Variants in SYT7 observed in about 807,000 individuals in gnomAD.
SYT7 encodes synaptotagmin 7, also known as synaptotagmin-7.
A neutral mutation model predicts 75.1 loss-of-function variants in SYT7; 29 were observed. That is an observed-to-expected ratio of 0.39 (90% CI 0.29 to 0.53). The LOEUF (loss-of-function observed/expected upper bound fraction) is 0.53, where lower values mean the gene tolerates loss of function less well. Ranked by LOEUF, SYT7 falls within the 20% of genes least tolerant of loss-of-function variation. SYT7 has a pLI of 0.77. For missense variants in SYT7, 693 were observed against 953.2 expected (o/e 0.73, Z 3.59); for synonymous variants, 376 against 401.7 (o/e 0.94, Z 0.76).
At chr11:61,531,891 C>CAAA (rs58242073) in intron 8 of SYT7, among the ~76,000 whole-genome samples, 776 of 49,260 alleles carry the variant, frequency 0.016, 19 homozygotes, top group Non-Finnish European at 0.03. Flanking sequence ...GATTCTGTCT[C>CAAA]AAAAAAAAAA....
intron 6 of SYT7, chr11:61,539,886 T>G (rs1451020353): frequency 6.6e-6 from 1 of 152,084 alleles, no homozygotes; most frequent in African/African-American, 2.4e-5. Context: ...GATCTAACTT[T>G]CGGGAAACAA....
At chr11:61,534,484 C>T (rs2062811613) in intron 7 of SYT7, among the ~76,000 whole-genome samples, 1 of 151,880 alleles carries the variant, frequency 6.6e-6, no homozygotes, top group South Asian at 2.1e-4. Flanking sequence ...CACACACATG[C>T]ACATGAGCCC....
Position 61,551,473 on chromosome 11 carries a change from T to C in SYT7, c.136-10A>G, listed in dbSNP as rs371500958. On this transcript the variant is annotated splice_polypyrimidine_tract_variant and intron_variant, in intron 2 of 12. Coordinates refer to ENST00000539008, the MANE Select transcript of SYT7 (RefSeq NM_001365809.2). This position sits in a 1 kb window ranked among gnomAD's most constrained non-coding sequence, Gnocchi z 5.3. Reference sequence around the variant, plus strand: ...TCTTGTAGCGTTTGCCCTGTGGAGATAGCACTAGGATCACTCCTGGGGAAC... The same window carrying C: ...TCTTGTAGCGTTTGCCCTGTGGAGACAGCACTAGGATCACTCCTGGGGAAC... 6.2e-6 allele frequency: 10 copies of C among 1,613,304 alleles called. No individual in the cohort carries two copies. The Admixed American group carries it at 6.7e-5, about 11-fold the overall frequency.
At chr11:61,547,376 C>A (rs566679330) in intron 3 of SYT7, 68 bp from the exon 4 acceptor site, 4 of 1,518,018 alleles carry the variant, frequency 2.6e-6, no homozygotes, top group African/African-American at 2.8e-5. Flanking sequence ...GCAAGTCCTG[C>A]GGGGGCAGAA....
Position 61,524,332 on chromosome 11 carries a change from G to A in SYT7, c.1641+31C>T, listed in dbSNP as rs760758230. ...ATCTCCCAGCCCTGCCCTGCTGCCTGTCCAGCTAAGACCCACCCATGGGGC... is the reference window on the plus strand; with the variant it reads ...ATCTCCCAGCCCTGCCCTGCTGCCTATCCAGCTAAGACCCACCCATGGGGC... On this transcript the variant is annotated intron_variant, in intron 10 of 12. Transcript: ENST00000539008. The surrounding 1 kb of genome is among the most constrained non-coding windows in gnomAD (Gnocchi z 4.1). 6.2e-7 allele frequency: 1 copy of A among 1,611,948 alleles called. No individual in the cohort carries two copies. Among genetic ancestry groups the A allele is most frequent in the Non-Finnish European group, 8.5e-7 (1 of 1,178,950 alleles).
At position 61,580,808 on chromosome 11, in the gene SYT7, G is replaced by C; in HGVS notation, c.13C>G (p.Pro5Ala). 7.8e-7 allele frequency: 1 copy of C among 1,286,926 alleles called. No homozygotes were observed. Among genetic ancestry groups the C allele is most frequent in the Non-Finnish European group, 9.9e-7 (1 of 1,014,566 alleles). The allele number at this position is 1,286,926 out of a possible 1,614,324, so 79.7% of individuals were successfully genotyped here. A position where few individuals can be genotyped will look rare whatever the true frequency, so the allele number is the denominator to read the frequency against. The stretch of plus-strand genomic sequence containing the variant: ...CGCTTACCTGGGCTGGCCGCCTCCG[G>C]GTCCCGGTACATGGTCCCCTCGTCG... MYRD[P>A]EAASPGAPSR... Residue 5 changes from proline to alanine, a missense_variant, in exon 1 of 13, where the codon CCG (proline) becomes GCG (alanine). Physicochemically the swap from Pro to Ala is conservative, Grantham distance 27. This residue lies in a region of SYT7 where 487 missense variants were observed against 593.2 expected (regional missense o/e 0.82). Coordinates refer to ENST00000539008, the MANE Select transcript of SYT7 (RefSeq NM_001365809.2). The surrounding 1 kb of genome is among the most constrained non-coding windows in gnomAD (Gnocchi z 6.1).
Position 61,551,372 on chromosome 11 carries a change from C to T in SYT7, c.215+12G>A. 1.2e-6 allele frequency: 2 copies of T among 1,613,548 alleles called. No homozygotes were observed. The highest frequency in any genetic ancestry group is 1.7e-6 in the Non-Finnish European group (2 of 1,179,862). On this transcript the variant is annotated intron_variant, in intron 3 of 12. Coordinates refer to ENST00000539008, the MANE Select transcript of SYT7 (RefSeq NM_001365809.2). This position sits in a 1 kb window ranked among gnomAD's most constrained non-coding sequence, Gnocchi z 5.3. Reference sequence around the variant, plus strand: ...GTGTGGCCCCATCCCAAACTAGCAGCCTGGCACCTACTTGATAGCCTTCTT... The same window carrying T: ...GTGTGGCCCCATCCCAAACTAGCAGTCTGGCACCTACTTGATAGCCTTCTT...
chr11:61,547,757 C>T (rs1357115321), intron 3 of SYT7, among the ~76,000 whole-genome samples: 1 of 152,128 alleles, frequency 6.6e-6, no homozygotes, highest in Non-Finnish European at 1.5e-5. Flanking sequence ...GCAGATCAGG[C>T]CCAGGTGCCA....
intron 4 of SYT7, 27 bp downstream of exon 4, chr11:61,547,150 A>T: frequency 6.5e-7 from 1 of 1,534,246 alleles, no homozygotes. Flanking sequence ...CTCGGTACAT[A>T]TGATCAAACC....
intron 7 of SYT7, among the ~76,000 whole-genome samples, chr11:61,535,213 A>G (rs1464360069): frequency 6.6e-6 from 1 of 152,210 alleles, no homozygotes; most frequent in Non-Finnish European, 1.5e-5. Context: ...AGAGAGGCCA[A>G]GAAAGTTAGT....
chr11:61,556,025 T>G, intron 2 of SYT7, 79 bp downstream of exon 2: 3 of 1,302,408 alleles, frequency 2.3e-6, no homozygotes, highest in Non-Finnish European at 3.3e-6. Context: ...CCCAAGCCTG[T>G]AATTGTGTGT....
At chr11:61,522,307 A>T (rs2135046999) in intron 12 of SYT7, among the ~76,000 whole-genome samples, 1 of 150,604 alleles carries the variant, frequency 6.6e-6, no homozygotes, top group African/African-American at 2.5e-5. Flanking sequence ...CTCCTGTCAC[A>T]GCCTCCTGAG....
In SYT7 at chr11:61,580,673, G is replaced by T; in HGVS notation, c.31+117C>A. The T allele has an allele frequency of 1.5e-6, 1 of 653,046 alleles. No individual in the cohort carries two copies. The highest frequency in any genetic ancestry group is 2.1e-6 in the Non-Finnish European group (1 of 473,398). The allele number at this position is 653,046 out of a possible 1,614,324, so 40.5% of individuals were successfully genotyped here. On this transcript the variant is annotated intron_variant, in intron 1 of 12. Coordinates refer to ENST00000539008, the MANE Select transcript of SYT7 (RefSeq NM_001365809.2). The surrounding 1 kb of genome is among the most constrained non-coding windows in gnomAD (Gnocchi z 6.1). ...CGGGGCTGGGATGACCCCTGGGGGAGCCCGTGCGGCTCCGGGCGGACAACA... is the reference window on the plus strand; with the variant it reads ...CGGGGCTGGGATGACCCCTGGGGGATCCCGTGCGGCTCCGGGCGGACAACA...
In SYT7 at chr11:61,523,345, C is replaced by T. The variant is rs1212153021; in HGVS notation, c.1757-71G>A. On this transcript the variant is annotated intron_variant, in intron 11 of 12. Coordinates refer to ENST00000539008, the MANE Select transcript of SYT7 (RefSeq NM_001365809.2). This position sits in a 1 kb window ranked among gnomAD's most constrained non-coding sequence, Gnocchi z 5.0. ...ACTTCCTAGGATCCTTTTCCCCTTC[C>T]AGGAATGGAAGCTGAGGCAGGAGGG... is the stretch of plus-strand genomic sequence containing the variant. The T allele has an allele frequency of 1.3e-6, 2 of 1,483,530 alleles. No individual in the cohort carries two copies. The highest frequency in any genetic ancestry group is 1.4e-5 in the African/African-American group (1 of 72,158). 91.9% of individuals were successfully genotyped at this position (1,483,530 alleles called of 1,614,324 possible).
rs184501925 is a variant in SYT7, at chr11:61,576,267, C to A, written c.31+4523G>T. Among the ~76,000 whole-genome samples, 1 of 152,350 alleles carries A rather than the reference C, an allele frequency of 6.6e-6. No individual in the cohort carries two copies. The highest frequency in any genetic ancestry group is 1.9e-4 in the East Asian group (1 of 5,190). ...GCCTGGAAGGTCAGGGACCTCCATG[C>A]CCACGGAACTGGCAGAATTCACCTG... On this transcript the variant is annotated intron_variant, in intron 1 of 12. Coordinates refer to ENST00000539008, the MANE Select transcript of SYT7 (RefSeq NM_001365809.2). The surrounding 1 kb of genome is among the most constrained non-coding windows in gnomAD (Gnocchi z 4.1).
At chr11:61,537,545 C>T (rs1183825679) in intron 7 of SYT7, among the ~76,000 whole-genome samples, 1 of 152,214 alleles carries the variant, frequency 6.6e-6, no homozygotes, top group African/African-American at 2.4e-5. Flanking sequence ...CGGCTGCCTG[C>T]ACCGCTCCGG....
intron 12 of SYT7, among the ~76,000 whole-genome samples, chr11:61,521,031 C>A (rs144585494): frequency 8.5e-5 from 13 of 152,294 alleles, no homozygotes; most frequent in Non-Finnish European, 1.5e-4. Context: ...TCTCAGCCAG[C>A]GGCTCCATCC....
intron 6 of SYT7, among the ~76,000 whole-genome samples, chr11:61,539,195 C>A (rs936783695): frequency 1.3e-5 from 2 of 152,108 alleles, no homozygotes; most frequent in Non-Finnish European, 2.9e-5. Flanking sequence ...AGTGAGAGAT[C>A]GTGCTTTGAG....
At chr11:61,534,412 C>T (rs762159321) in intron 7 of SYT7, among the ~76,000 whole-genome samples, 11 of 142,244 alleles carry the variant, frequency 7.7e-5, no homozygotes, top group African/African-American at 1.2e-4. Context: ...TACACACGCA[C>T]GCACACATGC....
Sources: gnomAD v4.1 joint callset for allele counts (sites outside exome capture counted in the v4.1 genomes callset) on GRCh38, gnomAD v4.1.1 for gene constraint, gnomAD v4.1.1 regional missense constraint, Gnocchi (gnomAD v3.1) non-coding constraint, MANE v1.5 for transcripts, NCBI Gene and HGNC (gene_info 2026-07-23, HGNC 2026-07-21) for gene names.